Variants in CYFIP1 observed in about 807,000 individuals in gnomAD.
The protein encoded by CYFIP1 is cytoplasmic FMR1-interacting protein 1.
CYFIP1 carries 58 observed loss-of-function variants against 163.5 expected under a neutral mutation model. The ratio of observed to expected loss-of-function variants is 0.35; its 90% CI spans 0.29 to 0.44. CYFIP1 has a LOEUF of 0.44. CYFIP1 is among the 20% of genes least tolerant of loss of function. CYFIP1 has a pLI of 1.00. For synonymous variants in CYFIP1, 663 were observed against 660.7 expected (o/e 1.00, Z -0.05); for missense variants, 1,338 against 1,653.8 (o/e 0.81, Z 3.31).
At chr15:22,950,083 G>C (rs1316301662) in intron 1 of CYFIP1, among the ~76,000 whole-genome samples, 2 of 152,100 alleles carry the variant, frequency 1.3e-5, no homozygotes, top group Non-Finnish European at 2.9e-5. Context: ...AAAGGAAATA[G>C]AGCAATGATA....
chr15:22,980,739 CAG>C (rs906149569), upstream of CYFIP1, among the ~76,000 whole-genome samples: 23 of 152,106 alleles, frequency 1.5e-4, no homozygotes, highest in Non-Finnish European at 2.2e-4. Flanking sequence ...GGAAGGAGCT[CAG>C]GGGGACACCC....
At chr15:22,972,864 G>A (rs1347704375) in intron 1 of CYFIP1, among the ~76,000 whole-genome samples, 3 of 152,040 alleles carry the variant, frequency 2.0e-5, no homozygotes, top group South Asian at 2.1e-4. Flanking sequence ...AAAATTAGGC[G>A]GTGGCTCACA....
At chr15:22,949,517 C>T (rs1467993400) in intron 1 of CYFIP1, among the ~76,000 whole-genome samples, 1 of 152,106 alleles carries the variant, frequency 6.6e-6, no homozygotes, top group Non-Finnish European at 1.5e-5. Flanking sequence ...GGCTAAGCGG[C>T]GAGGGCGCAG....
In CYFIP1 at chr15:22,943,208, CT is replaced by C; in HGVS notation, c.533del (p.Lys178SerfsTer4). 6.2e-7 allele frequency: 1 copy of C among 1,614,238 alleles called. No homozygotes were observed. On this transcript the variant is annotated frameshift_variant, in exon 6 of 31. Transcript: ENST00000617928. LOFTEE classifies it high-confidence loss of function. Reference protein sequence around the residue: ...FAVLDELKNMKCSVKNDHSAY... With the variant: ...FAVLDELKNMXCSVKNDHSAY... ...CTGAGTGGTCGTTCTTCACACTGCA[CT>C]TCATGTTCTTCAGCTCGTCCAGCAC... is the stretch of plus-strand genomic sequence containing the variant.
chr15:22,931,223 C>A (rs1033752049), intron 11 of CYFIP1, among the ~76,000 whole-genome samples: 6 of 152,186 alleles, frequency 3.9e-5, no homozygotes, highest in African/African-American at 1.4e-4. Context: ...AGCAAAGCAG[C>A]CTGCGTATAT....
In CYFIP1 at chr15:22,869,707, A is replaced by G; in HGVS notation, c.*321T>C. ...CAAGGGATTTAATGCATTTGCTGGT[A>G]TTAAGTTTCTTATGGAATGAATGAA... On this transcript the variant is annotated 3_prime_UTR_variant, in exon 31 of 31. Transcript: ENST00000617928. 4.9e-6 allele frequency: 1 copy of G among 202,364 alleles called. No homozygotes were observed. Among genetic ancestry groups the G allele is most frequent in the Non-Finnish European group, 9.8e-6 (1 of 101,914 alleles). The allele number at this position is 202,364 out of a possible 1,614,324, so 12.5% of individuals were successfully genotyped here. A position where few individuals can be genotyped will look rare whatever the true frequency, so the allele number is the denominator to read the frequency against.
chr15:22,872,375 T>C (rs2059460673), intron 30 of CYFIP1, among the ~76,000 whole-genome samples: 1 of 151,068 alleles, frequency 6.6e-6, no homozygotes, highest in Non-Finnish European at 1.5e-5. Flanking sequence ...GTCTAACATA[T>C]GTTTAACTGA....
intron 23 of CYFIP1, among the ~76,000 whole-genome samples, chr15:22,886,145 G>A (rs991454639): frequency 3.3e-5 from 5 of 152,234 alleles, no homozygotes; most frequent in African/African-American, 1.2e-4. Context: ...CAGATCTCGT[G>A]AGAACTCACT....
chr15:22,907,634 C>T (rs996993200), intron 21 of CYFIP1, among the ~76,000 whole-genome samples: 3 of 152,232 alleles, frequency 2.0e-5, no homozygotes, highest in Non-Finnish European at 4.4e-5. Flanking sequence ...TGGCCATGCA[C>T]CAATGACCAC....
chr15:22,958,220 G>T (rs923166510), intron 1 of CYFIP1, among the ~76,000 whole-genome samples: 3 of 151,788 alleles, frequency 2.0e-5, no homozygotes, highest in African/African-American at 7.3e-5. Flanking sequence ...CAAGTAGCTG[G>T]GATTACAGGC....
intron 1 of CYFIP1, among the ~76,000 whole-genome samples, chr15:22,979,871 G>A (rs1274020040): frequency 6.6e-6 from 1 of 152,182 alleles, no homozygotes; most frequent in Non-Finnish European, 1.5e-5. Flanking sequence ...TTAACAATCT[G>A]CCTGCTCCTT....
chr15:22,961,359 A>G (rs1402468049), intron 1 of CYFIP1, among the ~76,000 whole-genome samples: 1 of 151,784 alleles, frequency 6.6e-6, no homozygotes, highest in Non-Finnish European at 1.5e-5. Flanking sequence ...GAGATGAAAC[A>G]TATTTCTATG....
chr15:22,877,712 A>G (rs796358188), intron 26 of CYFIP1, among the ~76,000 whole-genome samples: 3 of 152,078 alleles, frequency 2.0e-5, no homozygotes, highest in African/African-American at 7.2e-5. Context: ...ATGGGAGGAG[A>G]TGCTACTTGG....
intron 10 of CYFIP1, among the ~76,000 whole-genome samples, chr15:22,932,827 C>G (rs1395686000): frequency 2.6e-5 from 4 of 152,228 alleles, no homozygotes; most frequent in East Asian, 3.9e-4. Flanking sequence ...GACACACTGT[C>G]AGTCTCTTCT....
Position 22,917,060 on chromosome 15 carries a change from GGA to G in CYFIP1, c.1675-432_1675-431del. ...CACGGACAGACAGGAGGGAGAGGCA[GGA>G]GAGAGACGTTAGTCACTCGACACAC... On this transcript the variant is annotated intron_variant, in intron 15 of 30. Transcript: ENST00000617928. This position sits in a 1 kb window ranked among gnomAD's most constrained non-coding sequence, Gnocchi z 4.2. 6.6e-6 allele frequency: 10 copies of G among 1,507,354 alleles called. No homozygotes were observed. Among genetic ancestry groups the G allele is most frequent in the Non-Finnish European group, 8.9e-6 (10 of 1,128,028 alleles). The allele number at this position is 1,507,354 out of a possible 1,614,324, so 93.4% of individuals were successfully genotyped here. A position where few individuals can be genotyped will look rare whatever the true frequency, so the allele number is the denominator to read the frequency against.
At chr15:22,957,619 G>C (rs1409270199) in intron 1 of CYFIP1, among the ~76,000 whole-genome samples, 1 of 152,172 alleles carries the variant, frequency 6.6e-6, no homozygotes, top group Non-Finnish European at 1.5e-5. Flanking sequence ...CTGGGCGACA[G>C]AGCAAGACTC....
chr15:22,980,673 G>T (rs1331954851), upstream of CYFIP1, among the ~76,000 whole-genome samples: 2 of 152,010 alleles, frequency 1.3e-5, no homozygotes, highest in East Asian at 3.9e-4. Flanking sequence ...AAGGAACGGG[G>T]TCCGCACCCT....
chr15:22,952,111 G>A (rs539843278), intron 1 of CYFIP1, among the ~76,000 whole-genome samples: 171 of 152,246 alleles, frequency 1.1e-3, no homozygotes, highest in African/African-American at 4.0e-3. Context: ...ACGACCTTAG[G>A]CTAAGTGAAA....
At chr15:22,948,763 G>A (rs1322821817) in intron 1 of CYFIP1, among the ~76,000 whole-genome samples, 1 of 129,118 alleles carries the variant, frequency 7.7e-6, no homozygotes, top group Non-Finnish European at 1.6e-5. Flanking sequence ...ATATAAAGAA[G>A]AACCAAATGG....
Sources: gnomAD v4.1 joint callset for allele counts (sites outside exome capture counted in the v4.1 genomes callset) on GRCh38, gnomAD v4.1.1 for gene constraint, Gnocchi (gnomAD v3.1) non-coding constraint, MANE v1.5 for transcripts, NCBI Gene and HGNC (gene_info 2026-07-23, HGNC 2026-07-21) for gene names.